RNF180: variants seen among roughly 807,000 people sequenced by gnomAD.
RNF180 encodes the protein E3 ubiquitin-protein ligase RNF180.
Under a neutral mutation model 59.2 loss-of-function variants are expected in RNF180, and 38 were observed. That is an observed-to-expected ratio of 0.64 (90% CI 0.50 to 0.84). RNF180 has a LOEUF of 0.84. RNF180 is among the 40% of genes least tolerant of loss of function. RNF180 has a pLI of 0.00. For synonymous variants in RNF180, 262 were observed against 240.3 expected, an observed-to-expected ratio of 1.09 and a Z score of -0.84; for missense variants, 705 against 700.9, an observed-to-expected ratio of 1.01 and a Z score of -0.07.
intron 5 of RNF180, among the ~76,000 whole-genome samples, chr5:64,279,317 A>G (rs116154773): frequency 1.2e-3 from 184 of 152,270 alleles, no homozygotes; most frequent in African/African-American, 4.3e-3. Flanking sequence ...TAGCAATTTT[A>G]TTTTAATAGT....
intron 7 of RNF180, among the ~76,000 whole-genome samples, chr5:64,351,506 T>A (rs1745809756): frequency 6.6e-6 from 1 of 152,110 alleles, no homozygotes; most frequent in South Asian, 2.1e-4. Context: ...ATGCTTCCAG[T>A]TTTTGCCCAT....
At chr5:64,210,171 C>G (rs754785183) in intron 2 of RNF180, among the ~76,000 whole-genome samples, 4 of 152,080 alleles carry the variant, frequency 2.6e-5, no homozygotes, top group Non-Finnish European at 5.9e-5. Flanking sequence ...TATAGACACT[C>G]TTAGGTGTGT....
At chr5:64,169,139 CAGTTTCA>C (rs1367053835) in intron 1 of RNF180, among the ~76,000 whole-genome samples, 1 of 152,200 alleles carries the variant, frequency 6.6e-6, no homozygotes, top group African/African-American at 2.4e-5. Context: ...TAGTTCCTTA[CAGTTTCA>C]GACTGATTAT....
At chr5:64,361,959 T>G (rs527527991) in intron 7 of RNF180, among the ~76,000 whole-genome samples, 1 of 151,598 alleles carries the variant, frequency 6.6e-6, no homozygotes, top group South Asian at 2.1e-4. Context: ...TGGTTTGTGA[T>G]CCTCATAAGC....
At chr5:64,176,785 C>A (rs182645731) in intron 1 of RNF180, among the ~76,000 whole-genome samples, 3 of 152,134 alleles carry the variant, frequency 2.0e-5, no homozygotes, top group Non-Finnish European at 4.4e-5. Flanking sequence ...AGCTTTAAAA[C>A]ATCCTTGGTA....
intron 7 of RNF180, among the ~76,000 whole-genome samples, chr5:64,361,389 A>G (rs936128464): frequency 1.3e-5 from 2 of 151,602 alleles, no homozygotes; most frequent in Non-Finnish European, 3.0e-5. Flanking sequence ...AGTTGAATTT[A>G]TCACATTAAC....
At chr5:64,204,918 C>T (rs929392181) in intron 2 of RNF180, among the ~76,000 whole-genome samples, 5 of 151,994 alleles carry the variant, frequency 3.3e-5, no homozygotes, top group Admixed American at 3.3e-4. Context: ...TCCTGTCTTC[C>T]GCATGCAGAC....
chr5:64,179,567 AT>A (rs1292723899), intron 1 of RNF180, among the ~76,000 whole-genome samples: 3 of 152,050 alleles, frequency 2.0e-5, no homozygotes, highest in Admixed American at 2.0e-4. Flanking sequence ...AATAACTTTG[AT>A]TTTTTTCTAG....
At chr5:64,316,524 A>G (rs571211341) in intron 5 of RNF180, among the ~76,000 whole-genome samples, 2 of 152,272 alleles carry the variant, frequency 1.3e-5, no homozygotes, top group African/African-American at 2.4e-5. Context: ...AGAACGTACT[A>G]TGGTGTTGTA....
intron 3 of RNF180, among the ~76,000 whole-genome samples, chr5:64,212,812 C>T (rs1293560983): frequency 2.0e-5 from 3 of 152,118 alleles, no homozygotes; most frequent in East Asian, 1.9e-4. Flanking sequence ...AGTAGTAGGA[C>T]TTTGGAAATA....
intron 5 of RNF180, among the ~76,000 whole-genome samples, chr5:64,234,753 C>G (rs992031230): frequency 3.3e-5 from 5 of 151,196 alleles, no homozygotes; most frequent in African/African-American, 9.7e-5. Context: ...GCGCCCGCCA[C>G]CACGCCTGGC....
chr5:64,338,766 G>C (rs1561270457), intron 7 of RNF180, among the ~76,000 whole-genome samples: 1 of 152,046 alleles, frequency 6.6e-6, no homozygotes, highest in African/African-American at 2.4e-5. Context: ...AATGCCTGTA[G>C]TTTTTCTTAA....
chr5:64,364,114 A>C (rs1347416146), intron 7 of RNF180, among the ~76,000 whole-genome samples: 1 of 151,736 alleles, frequency 6.6e-6, no homozygotes, highest in Non-Finnish European at 1.5e-5. Context: ...CAGGACTTCC[A>C]ATGCTTGTCA....
chr5:64,319,104 G>T (rs1053560381), intron 5 of RNF180, among the ~76,000 whole-genome samples: 1 of 151,450 alleles, frequency 6.6e-6, no homozygotes, highest in Non-Finnish European at 1.5e-5. Context: ...GCATGTGCGT[G>T]TGTAGAGAAA....
chr5:64,294,203 G>T (rs189341837), intron 5 of RNF180, among the ~76,000 whole-genome samples: 2,650 of 152,240 alleles, frequency 0.017, 31 homozygotes, highest in Non-Finnish European at 0.027. Context: ...TAATTGGATT[G>T]TTTATAACTC....
intron 5 of RNF180, among the ~76,000 whole-genome samples, chr5:64,246,814 A>G (rs1160972504): frequency 6.6e-6 from 1 of 152,102 alleles, no homozygotes; most frequent in African/African-American, 2.4e-5. Flanking sequence ...AGAAAAAAGG[A>G]AAGTTCAGGC....
chr5:64,266,372 G>A (rs1402752740), intron 5 of RNF180, among the ~76,000 whole-genome samples: 4 of 151,362 alleles, frequency 2.6e-5, no homozygotes, highest in African/African-American at 7.3e-5. Context: ...TTTAAATATC[G>A]AATTCATTTA....
intron 4 of RNF180, among the ~76,000 whole-genome samples, chr5:64,216,423 T>C (rs970919299): frequency 2.0e-5 from 3 of 152,192 alleles, no homozygotes; most frequent in Non-Finnish European, 4.4e-5. Context: ...TGTCTTTGAG[T>C]AATGACTTCA....
At chr5:64,285,664 C>T (rs964514418) in intron 5 of RNF180, among the ~76,000 whole-genome samples, 1 of 152,146 alleles carries the variant, frequency 6.6e-6, no homozygotes, top group Non-Finnish European at 1.5e-5. Context: ...GCAGACGCAG[C>T]TAGGCTGGGG....
Sources: gnomAD v4.1 joint callset for allele counts (sites outside exome capture counted in the v4.1 genomes callset) on GRCh38, gnomAD v4.1.1 for gene constraint, MANE v1.5 for transcripts, NCBI Gene and HGNC (gene_info 2026-07-23, HGNC 2026-07-21) for gene names.